SMYD3: variants seen among roughly 807,000 people sequenced by gnomAD.
SMYD3 encodes SET and MYND domain containing 3.
A neutral mutation model predicts 57.7 loss-of-function variants in SMYD3; 36 were observed. That is an observed-to-expected ratio of 0.62 (90% CI 0.48 to 0.82). SMYD3 has a LOEUF of 0.82. Among genes scored for constraint, SMYD3 ranks in the 40% least tolerant of loss-of-function variants. The probability of loss-of-function intolerance (pLI) is 0.00; values close to 1 mark genes in which losing one functional copy is unlikely to be tolerated. For synonymous variants in SMYD3, 211 were observed against 195.0 expected (o/e 1.08, Z -0.68); for missense variants, 515 against 538.8 (o/e 0.96, Z 0.44).
chr1:246,289,932 T>C (rs1331247611), intron 5 of SMYD3, among the ~76,000 whole-genome samples: 4 of 152,216 alleles, frequency 2.6e-5, no homozygotes, highest in African/African-American at 7.2e-5. Flanking sequence ...GACTCACTTG[T>C]ATATATTTAT....
intron 5 of SMYD3, among the ~76,000 whole-genome samples, chr1:245,944,198 T>C (rs534214108): frequency 1.3e-5 from 2 of 152,244 alleles, no homozygotes; most frequent in South Asian, 2.1e-4. Flanking sequence ...GGAAGTCAAA[T>C]TGTCTTTGTT....
chr1:246,439,730 T>C (rs115960316), intron 1 of SMYD3, among the ~76,000 whole-genome samples: 9,622 of 152,196 alleles, frequency 0.063, 331 homozygotes, highest in Middle Eastern at 0.17. Flanking sequence ...GGCGGATTAC[T>C]TGAGCCCAGG....
chr1:246,117,873 G>T (rs1258378650), intron 5 of SMYD3, among the ~76,000 whole-genome samples: 1 of 152,112 alleles, frequency 6.6e-6, no homozygotes, highest in East Asian at 1.9e-4. Context: ...TCTTTGCATT[G>T]GTCAAATTAC....
intron 1 of SMYD3, among the ~76,000 whole-genome samples, chr1:246,381,599 T>C (rs1196125547): frequency 6.6e-6 from 1 of 152,194 alleles, no homozygotes; most frequent in Non-Finnish European, 1.5e-5. Flanking sequence ...AGGACTTCCT[T>C]AGAGGAGTGA....
intron 5 of SMYD3, among the ~76,000 whole-genome samples, chr1:246,314,916 T>C (rs1454065430): frequency 6.6e-6 from 1 of 152,248 alleles, no homozygotes; most frequent in Admixed American, 6.5e-5. Flanking sequence ...GCTGAAAGGT[T>C]GTCTGTAATT....
intron 8 of SMYD3, among the ~76,000 whole-genome samples, chr1:245,875,746 A>G (rs966503202): frequency 6.6e-6 from 1 of 152,224 alleles, no homozygotes; most frequent in African/African-American, 2.4e-5. Context: ...GGTCATACTC[A>G]TTGTGGGCCA....
At chr1:245,818,310 G>A (rs985073866) in intron 10 of SMYD3, among the ~76,000 whole-genome samples, 2 of 151,996 alleles carry the variant, frequency 1.3e-5, no homozygotes, top group African/African-American at 4.8e-5. Context: ...CATAAGTGAA[G>A]GAGAAATAAA....
At chr1:246,357,917 G>T (rs575672817) in intron 1 of SMYD3, among the ~76,000 whole-genome samples, 8 of 152,068 alleles carry the variant, frequency 5.3e-5, no homozygotes, top group Non-Finnish European at 1.0e-4. Context: ...AAAACACAAG[G>T]TATTCAGACA....
intron 5 of SMYD3, among the ~76,000 whole-genome samples, chr1:245,998,846 G>A (rs959486258): frequency 2.0e-5 from 3 of 152,098 alleles, no homozygotes; most frequent in Admixed American, 1.3e-4. Context: ...ATAATGCTAC[G>A]GCACAGACAA....
intron 5 of SMYD3, among the ~76,000 whole-genome samples, chr1:246,278,712 G>A (rs1296905025): frequency 6.6e-6 from 1 of 152,156 alleles, no homozygotes; most frequent in Non-Finnish European, 1.5e-5. Flanking sequence ...AGAGCTTTAT[G>A]AGACCCTACA....
In SMYD3 at chr1:245,953,307, C is replaced by A. The variant is rs192355518; in HGVS notation, c.532-23370G>T. ...CTGCACATTAATATATCAACTCCAA[C>A]TAGACCAAAATCTTTCAATTAACTA... On this transcript the variant is annotated intron_variant, in intron 5 of 11. Coordinates refer to ENST00000490107, the MANE Select transcript of SMYD3 (RefSeq NM_001167740.2). 4.8e-3 allele frequency: 4,825 copies of A among 997,964 alleles called. 16 individuals are homozygous for A. Among genetic ancestry groups the A allele is most frequent in the Middle Eastern group, 8.9e-3 (17 of 1,910 alleles). 61.8% of individuals were successfully genotyped at this position (997,964 alleles called of 1,614,324 possible).
chr1:246,227,042 CATATT>C (rs1423333805), intron 5 of SMYD3, among the ~76,000 whole-genome samples: 1 of 152,018 alleles, frequency 6.6e-6, no homozygotes, highest in East Asian at 1.9e-4. Context: ...TGATTTTTGA[CATATT>C]AAATTCTAAA....
At position 246,439,162 on chromosome 1, in the gene SMYD3, A is replaced by C. The variant is rs182918949; in HGVS notation, c.164+67892T>G. ...TTTTTTTAAGAGACAAGGTCTTGCT[A>C]TGTTGCCCAGGCTGGCCCCAAACTC... is the stretch of plus-strand genomic sequence containing the variant. On this transcript the variant is annotated intron_variant, in intron 1 of 11. Coordinates refer to ENST00000490107, the MANE Select transcript of SMYD3 (RefSeq NM_001167740.2). Among the ~76,000 whole-genome samples, 1,021 of 148,942 alleles carry C rather than the reference A, an allele frequency of 6.9e-3. 11 individuals carry two copies. Among genetic ancestry groups the C allele is most frequent in the Non-Finnish European group, 8.0e-3 (544 of 67,586 alleles).
At position 246,186,704 on chromosome 1, in the gene SMYD3, C is replaced by T. The variant is rs112046598; in HGVS notation, c.531+140497G>A. 4.1e-6 allele frequency: 4 copies of T among 971,020 alleles called. No homozygotes were observed. In the African/African-American group the frequency reaches 7.0e-5, roughly 17 times the overall value. 60.2% of individuals were successfully genotyped at this position (971,020 alleles called of 1,614,324 possible). A position where few individuals can be genotyped will look rare whatever the true frequency, so the allele number is the denominator to read the frequency against. The stretch of plus-strand genomic sequence containing the variant: ...GTGAGAGTCTGGCACTGTCAATGTC[C>T]ACAGCACTTCTCTCAAAATGATCCC... On this transcript the variant is annotated intron_variant, in intron 5 of 11. Coordinates refer to ENST00000490107, the MANE Select transcript of SMYD3 (RefSeq NM_001167740.2).
At chr1:246,173,223 TTCA>T (rs1325344674) in intron 5 of SMYD3, among the ~76,000 whole-genome samples, 2 of 151,676 alleles carry the variant, frequency 1.3e-5, no homozygotes, top group Non-Finnish European at 2.9e-5. Context: ...TACTGTAGAC[TTCA>T]TCAACACTAC....
chr1:245,853,172 T>G lies in SMYD3; in HGVS notation c.1076+5324A>C, dbSNP rs2051061227. Among the ~76,000 whole-genome samples the G allele has an allele frequency of 2.0e-5, 3 of 152,314 alleles. No individual in the cohort carries two copies. The Middle Eastern group carries it at 0.01, about 518-fold the overall frequency. ...GAAAGAATGTTGGATGAAGTTCAGA[T>G]AGTTATTTCTTCTTCTGGGGTGAGA... is the stretch of plus-strand genomic sequence containing the variant. On this transcript the variant is annotated intron_variant, in intron 10 of 11. Coordinates refer to ENST00000490107, the MANE Select transcript of SMYD3 (RefSeq NM_001167740.2).
At chr1:246,018,793 T>C (rs2059421290) in intron 5 of SMYD3, among the ~76,000 whole-genome samples, 1 of 150,524 alleles carries the variant, frequency 6.6e-6, no homozygotes. Flanking sequence ...CCTGTAGAGA[T>C]GGATTTTGCT....
At chr1:245,930,958 A>G (rs2056680146) in intron 5 of SMYD3, 1 of 152,234 alleles carries the variant, frequency 6.6e-6, no homozygotes, top group Non-Finnish European at 1.5e-5. Context: ...ATAAAGGCTC[A>G]TATCAGGAGA....
intron 5 of SMYD3, among the ~76,000 whole-genome samples, chr1:246,220,328 C>G (rs1448734072): frequency 1.3e-5 from 2 of 149,046 alleles, no homozygotes; most frequent in South Asian, 2.2e-4. Context: ...CCATGCTCTC[C>G]CCAACCCACC....
Sources: allele counts gnomAD v4.1 joint callset (sites outside exome capture counted in the v4.1 genomes callset), GRCh38; gene constraint gnomAD v4.1.1; transcripts MANE v1.5; gene names NCBI Gene and HGNC (gene_info 2026-07-23, HGNC 2026-07-21).